Variants in FGF10 observed in about 807,000 individuals in gnomAD.
The protein encoded by FGF10 is fibroblast growth factor 10.
FGF10 carries 2 observed loss-of-function variants against 19.8 expected under a neutral mutation model. The observed-to-expected ratio is 0.10, with a 90% CI of 0.04 to 0.32. The LOEUF is 0.32. Among genes scored for constraint, FGF10 ranks in the 10% least tolerant of loss-of-function variants. The pLI is 1.00. For synonymous variants in FGF10, 112 were observed against 94.0 expected (o/e 1.19, Z -1.10); for missense variants, 191 against 246.3 (o/e 0.78, Z 1.50).
intron 1 of FGF10, among the ~76,000 whole-genome samples, chr5:44,326,352 T>C (rs1740614114): frequency 6.6e-6 from 1 of 152,190 alleles, no homozygotes; most frequent in Non-Finnish European, 1.5e-5. Flanking sequence ...ATGAAGAGGA[T>C]GGCATATTTA....
chr5:44,335,278 C>T (rs1740821470), intron 1 of FGF10, among the ~76,000 whole-genome samples: 1 of 152,034 alleles, frequency 6.6e-6, no homozygotes, highest in Non-Finnish European at 1.5e-5. Context: ...AAATGACCTA[C>T]TCTCCCTTCC....
chr5:44,334,651 A>G lies in FGF10; in HGVS notation c.326-24121T>C, dbSNP rs944415150. Among the ~76,000 whole-genome samples, 4 of 152,148 alleles carry G rather than the reference A, an allele frequency of 2.6e-5. No individual in the cohort carries two copies. In the East Asian group the frequency reaches 5.8e-4, roughly 22 times the overall value. On this transcript the variant is annotated intron_variant, in intron 1 of 2. Coordinates refer to ENST00000264664, the MANE Select transcript of FGF10 (RefSeq NM_004465.2). ...TGAATGAATTACCTAGCTTAACACA[A>G]CTGGTGGTTAAGCCAGCTGAAATTC...
At chr5:44,367,483 C>A in intron 1 of FGF10, among the ~76,000 whole-genome samples, 1 of 151,986 alleles carries the variant, frequency 6.6e-6, no homozygotes, top group Non-Finnish European at 1.5e-5. Flanking sequence ...TCAAAGGGCA[C>A]AATAGCTTAG....
At chr5:44,386,538 AAGTAAAT>A (rs1182543350) in intron 1 of FGF10, among the ~76,000 whole-genome samples, 1 of 152,172 alleles carries the variant, frequency 6.6e-6, no homozygotes, top group Non-Finnish European at 1.5e-5. Flanking sequence ...TTTATTTTAG[AAGTAAAT>A]AAAGTTTTTA....
chr5:44,374,146 C>T (rs1268971601), intron 1 of FGF10, among the ~76,000 whole-genome samples: 1 of 152,130 alleles, frequency 6.6e-6, no homozygotes, highest in Non-Finnish European at 1.5e-5. Context: ...CTCCTTGGCT[C>T]ATGACTCCTT....
chr5:44,388,203 TG>T (rs1743189912), intron 1 of FGF10, among the ~76,000 whole-genome samples, 154 bp downstream of exon 1: 1 of 139,012 alleles, frequency 7.2e-6, no homozygotes. Flanking sequence ...ACACGGGGGT[TG>T]GGGGGTGAAT....
rs1024923149 is a variant in FGF10 at position 44,301,067 on chromosome 5, A to G, written c.*3928T>C. 2.0e-5 allele frequency among the ~76,000 whole-genome samples: 3 copies of G among 152,146 alleles called. No individual in the cohort carries two copies. The East Asian group carries it at 5.8e-4, about 29-fold the overall frequency. On this transcript the variant is annotated 3_prime_UTR_variant, in exon 3 of 3. Coordinates refer to ENST00000264664, the MANE Select transcript of FGF10 (RefSeq NM_004465.2). The stretch of plus-strand genomic sequence containing the variant: ...CGTTACTTCATTTCTAAGTACTCAT[A>G]GAACTCAGAGTTCCTTTTTCTCCTG...
intron 1 of FGF10, among the ~76,000 whole-genome samples, chr5:44,336,533 C>G (rs1740857637): frequency 6.6e-6 from 1 of 152,122 alleles, no homozygotes. Flanking sequence ...TGGAGAAGAA[C>G]TGTCTCATGG....
chr5:44,363,101 G>T (rs1177102679), intron 1 of FGF10, among the ~76,000 whole-genome samples: 4 of 151,708 alleles, frequency 2.6e-5, no homozygotes, highest in African/African-American at 9.7e-5. Flanking sequence ...CCTGGAGTTA[G>T]TTTTTGTGAA....
At chr5:44,316,169 G>C (rs143302864) in intron 1 of FGF10, among the ~76,000 whole-genome samples, 1 of 152,058 alleles carries the variant, frequency 6.6e-6, no homozygotes, top group Non-Finnish European at 1.5e-5. Context: ...CTCCATATGA[G>C]AATCTAACTA....
intron 1 of FGF10, among the ~76,000 whole-genome samples, chr5:44,384,594 A>G (rs551542349): frequency 1.3e-5 from 2 of 152,276 alleles, no homozygotes; most frequent in South Asian, 4.1e-4. Context: ...ATAAGAAAGG[A>G]GAGATACAAC....
chr5:44,310,389 T>C, intron 2 of FGF10, 38 bp downstream of exon 2: 1 of 1,394,280 alleles, frequency 7.2e-7, no homozygotes, highest in Non-Finnish European at 1.0e-6. Flanking sequence ...GGTAATGGTT[T>C]ACTGGAGTGG....
At chr5:44,346,721 G>A (rs749726480) in intron 1 of FGF10, among the ~76,000 whole-genome samples, 10 of 151,774 alleles carry the variant, frequency 6.6e-5, no homozygotes, top group Non-Finnish European at 1.5e-4. Context: ...TCTCAAAGTA[G>A]CTCCATCTTG....
At chr5:44,348,167 C>CT (rs1236215763) in intron 1 of FGF10, among the ~76,000 whole-genome samples, 1 of 151,380 alleles carries the variant, frequency 6.6e-6, no homozygotes, top group Non-Finnish European at 1.5e-5. Flanking sequence ...AGACTTGCAA[C>CT]TTTTTTTTAA....
rs1740034726 is a variant in FGF10 at position 44,304,677 on chromosome 5, A to C, written c.*318T>G. ...TTCAACAGATTGTTCTATGTCCTTT[A>C]AGTTCTATCTCAGAGGTTTAAAAAC... On this transcript the variant is annotated 3_prime_UTR_variant, in exon 3 of 3. Coordinates refer to ENST00000264664, the MANE Select transcript of FGF10 (RefSeq NM_004465.2). The C allele has an allele frequency of 3.8e-5, 13 of 342,818 alleles. 1 individual carries two copies. The South Asian group carries it at 3.8e-4, about 10-fold the overall frequency. The allele number at this position is 342,818 out of a possible 1,614,324, so 21.2% of individuals were successfully genotyped here. A position where few individuals can be genotyped will look rare whatever the true frequency, so the allele number is the denominator to read the frequency against.
chr5:44,310,100 T>A (rs939503745), intron 2 of FGF10, among the ~76,000 whole-genome samples: 1 of 152,164 alleles, frequency 6.6e-6, no homozygotes, highest in African/African-American at 2.4e-5. Context: ...TCTTTGTTTT[T>A]AGTGTTTTTT....
rs569706251 is a variant in FGF10, at chr5:44,374,657, C to T, written c.325+13701G>A. On this transcript the variant is annotated intron_variant, in intron 1 of 2. Transcript: ENST00000264664. ...CTCCCTTTACTCCCACTCTTTACAG[C>T]ACTTTATTCTTCCTCTCTAAAATAA... Among the ~76,000 whole-genome samples, 8 of 152,274 alleles carry T rather than the reference C, an allele frequency of 5.3e-5. No individual in the cohort carries two copies. In the Middle Eastern group the frequency reaches 0.01, roughly 194 times the overall value.
At chr5:44,309,055 T>C (rs896328728) in intron 2 of FGF10, among the ~76,000 whole-genome samples, 1 of 152,206 alleles carries the variant, frequency 6.6e-6, no homozygotes, top group Non-Finnish European at 1.5e-5. Flanking sequence ...AAAGTAAGTT[T>C]ATTTACAAAT....
chr5:44,378,284 A>G (rs1485278208), intron 1 of FGF10, among the ~76,000 whole-genome samples: 1 of 152,176 alleles, frequency 6.6e-6, no homozygotes, highest in Non-Finnish European at 1.5e-5. Flanking sequence ...GCACTCAAAA[A>G]GTTTTGGACT....
Sources: gnomAD v4.1 joint callset for allele counts (sites outside exome capture counted in the v4.1 genomes callset) on GRCh38, gnomAD v4.1.1 for gene constraint, MANE v1.5 for transcripts, NCBI Gene and HGNC (gene_info 2026-07-23, HGNC 2026-07-21) for gene names.